SPDL1: variants seen among roughly 807,000 people sequenced by gnomAD.
SPDL1 encodes the protein protein Spindly.
In SPDL1, 85 loss-of-function variants were observed where a neutral mutation model predicts 79.5. The observed-to-expected ratio is 1.07, with a 90% CI of 0.90 to 1.28. SPDL1 has a LOEUF of 1.28. Among genes scored for constraint, SPDL1 ranks in the 50% most tolerant of loss-of-function variants. The pLI, the probability that SPDL1 is intolerant of heterozygous loss-of-function variation, is 0.00. For missense variants in SPDL1, 703 were observed against 697.8 expected (o/e 1.01, Z -0.08); for synonymous variants, 269 against 240.3 (o/e 1.12, Z -1.10).
chr5:169,588,600 G>C, intron 2 of SPDL1, 25 bp downstream of exon 2: 1 of 1,575,076 alleles, frequency 6.3e-7, no homozygotes, highest in Non-Finnish European at 8.6e-7. Flanking sequence ...TCCTCTGTCT[G>C]CAAGAGTGTG....
Position 169,591,170 on chromosome 5 carries a change from G to A in SPDL1, c.282G>A (p.Leu94=). ...AACAAAAAATGCACCTGGAGAAATT[G>A]GAAGAACAACTAAGCAGAAGCCATG... The part of the protein sequence containing the change: ...KQQQKMHLEK[L]EEQLSRSHGQ... The change falls in exon 3 of 12, where the codon TTG becomes TTA. Residue 94 remains leucine, a synonymous_variant. Transcript: ENST00000265295. 1.2e-6 allele frequency: 2 copies of A among 1,614,004 alleles called. No homozygotes were observed. The highest frequency in any genetic ancestry group is 1.7e-6 in the Non-Finnish European group (2 of 1,179,970).
In SPDL1 at chr5:169,597,232, TTGTGTGTGTGTGTG is replaced by T. The variant is rs56336716; in HGVS notation, c.1032+553_1032+566del. 3.8e-4 allele frequency among the ~76,000 whole-genome samples: 57 copies of T among 149,306 alleles called. 1 individual carries two copies. The highest frequency in any genetic ancestry group is 1.3e-3 in the African/African-American group (54 of 40,616). Reference sequence around the variant, plus strand: ...TTGAGAATGGTATTTGTGTAAGCATTTGTGTGTGTGTGTGTGTGTGTGTGTGTGTGTGTGTAAGA... The same window carrying T: ...TTGAGAATGGTATTTGTGTAAGCATTTGTGTGTGTGTGTGTGTGTGTAAGA... On this transcript the variant is annotated intron_variant, in intron 8 of 11. Transcript: ENST00000265295.
intron 1 of SPDL1, chr5:169,587,274 A>G (rs997986300): frequency 1.3e-5 from 2 of 152,162 alleles, no homozygotes; most frequent in Admixed American, 6.5e-5. Flanking sequence ...GGAACCTAGT[A>G]TATAAGGCAT....
chr5:169,604,726 G>T lies in SPDL1; in HGVS notation c.*519G>T, dbSNP rs1028909815. 1 of 152,068 alleles carries T rather than the reference G, an allele frequency of 6.6e-6. No individual in the cohort carries two copies. Among genetic ancestry groups the T allele is most frequent in the Non-Finnish European group, 1.5e-5 (1 of 68,006 alleles). The allele number at this position is 152,068 out of a possible 1,614,324, so 9.4% of individuals were successfully genotyped here. ...TGTTCATCTTTGTATTTATATACAT[G>T]ATTTAAATTTTGTCTAAAATTTTAA... On this transcript the variant is annotated 3_prime_UTR_variant, in exon 12 of 12. Coordinates refer to ENST00000265295, the MANE Select transcript of SPDL1 (RefSeq NM_017785.5).
intron 1 of SPDL1, among the ~76,000 whole-genome samples, chr5:169,584,899 A>G (rs546694338): frequency 6.7e-6 from 1 of 150,002 alleles, no homozygotes; most frequent in African/African-American, 2.5e-5. Flanking sequence ...AATCCCAGCT[A>G]CTCGGGAGGC....
chr5:169,594,449 A>G lies in SPDL1; in HGVS notation c.737A>G (p.Gln246Arg), dbSNP rs1755480046. 6.2e-7 allele frequency: 1 copy of G among 1,614,158 alleles called. No homozygotes were observed. Among genetic ancestry groups the G allele is most frequent in the Non-Finnish European group, 8.5e-7 (1 of 1,179,982 alleles). Residue 246 changes from glutamine to arginine, a missense_variant, in exon 6 of 12, where the codon CAA (glutamine) becomes CGA (arginine). Coordinates refer to ENST00000265295, the MANE Select transcript of SPDL1 (RefSeq NM_017785.5). ...GTACAGTTGGACCAGGCACTCCAGC[A>G]AGCCTTGGATCCCAATAGTAAAGGC... ...LQVQLDQALQQALDPNSKGNS... is the reference protein window; with the variant it reads ...LQVQLDQALQRALDPNSKGNS...
intron 3 of SPDL1, among the ~76,000 whole-genome samples, chr5:169,592,214 C>CTTTTTTTTTTTTTTTTT (rs397884840): frequency 3.1e-5 from 3 of 97,050 alleles, no homozygotes; most frequent in African/African-American, 4.1e-5. Flanking sequence ...TTTTTTTTTC[C>CTTTTTTTTTTTTTTTTT]TTTTTTTTTT....
chr5:169,600,443 C>G (rs1755821389), intron 10 of SPDL1, among the ~76,000 whole-genome samples: 6 of 152,096 alleles, frequency 3.9e-5, no homozygotes, highest in Non-Finnish European at 8.8e-5. Flanking sequence ...TTCAAAGGAG[C>G]AGTGCCAGAA....
intron 8 of SPDL1, among the ~76,000 whole-genome samples, chr5:169,597,707 A>C (rs1755661679): frequency 6.6e-6 from 1 of 152,196 alleles, no homozygotes; most frequent in Admixed American, 6.5e-5. Flanking sequence ...CTAAATGACA[A>C]ATTTTTGTAA....
Position 169,599,087 on chromosome 5 carries a change from C to T in SPDL1, c.1252C>T (p.Gln418Ter), listed in dbSNP as rs1365865754. ...ACTTTTTGCAAATGAAAGATGCCTC[C>T]AGCTTTCAGAAAGTGAAAATATGAA... is the stretch of plus-strand genomic sequence containing the variant. ...RKLFANERCL[Q>*]LSESENMKLR... The change falls in exon 10 of 12, where the codon CAG becomes TAG. Residue 418 changes from glutamine to a stop codon, truncating the protein, a stop_gained. Transcript: ENST00000265295. LOFTEE classifies it high-confidence loss of function. 2 of 1,596,948 alleles carry T rather than the reference C, an allele frequency of 1.3e-6. No individual in the cohort carries two copies. Among genetic ancestry groups the T allele is most frequent in the South Asian group, 1.1e-5 (1 of 88,996 alleles).
At chr5:169,600,388 A>C (rs1167607669) in intron 10 of SPDL1, among the ~76,000 whole-genome samples, 1 of 152,230 alleles carries the variant, frequency 6.6e-6, no homozygotes, top group Non-Finnish European at 1.5e-5. Context: ...AACTGAACAC[A>C]GCAAATAGAC....
intron 11 of SPDL1, 32 bp downstream of exon 11, chr5:169,601,657 C>A: frequency 6.4e-7 from 1 of 1,566,528 alleles, no homozygotes; most frequent in Non-Finnish European, 8.8e-7. Flanking sequence ...AGGCAGCCAG[C>A]AGACCTCTCC....
At chr5:169,591,445 T>C (rs944442670) in intron 3 of SPDL1, among the ~76,000 whole-genome samples, 1 of 152,216 alleles carries the variant, frequency 6.6e-6, no homozygotes, top group Non-Finnish European at 1.5e-5. Flanking sequence ...TATTTAATTT[T>C]GGTTGCTGGA....
Position 169,604,218 on chromosome 5 carries a change from TTAATAA to T in SPDL1, c.*12_*17del. ...TGCCCTCAACAGTAAAGACTTGTCT[TTAATAA>T]GAGTACGGTGCCACTTGCCTCAAAA... On this transcript the variant is annotated 3_prime_UTR_variant, in exon 12 of 12. Coordinates refer to ENST00000265295, the MANE Select transcript of SPDL1 (RefSeq NM_017785.5). 1 of 1,552,642 alleles carries T rather than the reference TTAATAA, an allele frequency of 6.4e-7. No individual in the cohort carries two copies. The highest frequency in any genetic ancestry group is 8.7e-7 in the Non-Finnish European group (1 of 1,153,874).
At chr5:169,601,759 C>T (rs890854972) in intron 11 of SPDL1, 134 bp downstream of exon 11, 2 of 883,614 alleles carry the variant, frequency 2.3e-6, no homozygotes, top group South Asian at 1.4e-5. Context: ...GTTTCATCTA[C>T]CTACCTTCAA....
chr5:169,604,334 C>A lies in SPDL1; in HGVS notation c.*127C>A. On this transcript the variant is annotated 3_prime_UTR_variant, in exon 12 of 12. Transcript: ENST00000265295. ...TCATTGTGCCAGGACCTGGCATTTT[C>A]ATGTGCCTTTGACCAAGTGTTCAGA... The A allele has an allele frequency of 1.0e-6, 1 of 956,148 alleles. No homozygotes were observed. The highest frequency in any genetic ancestry group is 1.5e-6 in the Non-Finnish European group (1 of 686,070). 59.2% of individuals were successfully genotyped at this position (956,148 alleles called of 1,614,324 possible). A position where few individuals can be genotyped will look rare whatever the true frequency, so the allele number is the denominator to read the frequency against.
At position 169,601,336 on chromosome 5, in the gene SPDL1, A is replaced by G; in HGVS notation, c.1381A>G (p.Thr461Ala). 6.2e-7 allele frequency: 1 copy of G among 1,613,726 alleles called. No individual in the cohort carries two copies. The highest frequency in any genetic ancestry group is 8.5e-7 in the Non-Finnish European group (1 of 1,179,974). The change falls in exon 11 of 12, where the codon ACC becomes GCC. Residue 461 changes from threonine (T) to alanine (A), a missense_variant. Transcript: ENST00000265295. ...GCGTGAGGTGCTCCCTGTGGATATA[A>G]CCACCGCTAAAGATGCATGTGTCAA... ...KRREVLPVDI[T>A]TAKDACVNNS... is the part of the protein sequence containing the mutation.
Position 169,593,526 on chromosome 5 carries a change from T to C in SPDL1, c.509T>C (p.Leu170Pro), listed in dbSNP as rs375950697. The C allele has an allele frequency of 1.1e-5, 17 of 1,610,870 alleles. No homozygotes were observed. The highest frequency in any genetic ancestry group is 1.4e-5 in the Non-Finnish European group (17 of 1,178,996). The stretch of plus-strand genomic sequence containing the variant: ...GAGATGCTGGCTCTTCAAATTGAGC[T>C]GACAGAAATGGAGAGTATGAAGGTA... ...SSEMLALQIE[L>P]TEMESMKTTL... Residue 170 changes from leucine to proline, a missense_variant, in exon 4 of 12, where the codon CTG becomes CCG. By Grantham distance (98) the Leu-to-Pro change is moderately conservative. Transcript: ENST00000265295.
rs1351204540 is a variant in SPDL1, at chr5:169,591,125, A to G, written c.237A>G (p.Glu79=). 1 of 1,614,088 alleles carries G rather than the reference A, an allele frequency of 6.2e-7. No homozygotes were observed. Among genetic ancestry groups the G allele is most frequent in the Non-Finnish European group, 8.5e-7 (1 of 1,179,978 alleles). Residue 79 remains glutamate, a synonymous_variant, in exon 3 of 12, where the codon GAA becomes GAG. Coordinates refer to ENST00000265295, the MANE Select transcript of SPDL1 (RefSeq NM_017785.5). ...KSRMLESLSC[E]CEAIKQQQKM... ...GAATGTTAGAAAGTTTGAGCTGCGA[A>G]TGTGAAGCTATTAAACAACAACAAA...
Sources: gnomAD v4.1 joint callset for allele counts (sites outside exome capture counted in the v4.1 genomes callset) on GRCh38, gnomAD v4.1.1 for gene constraint, MANE v1.5 for transcripts, NCBI Gene and HGNC (gene_info 2026-07-23, HGNC 2026-07-21) for gene names.